The following SETD4 variants were observed in gnomAD, a reference collection of about 807,000 sequenced individuals.
The protein encoded by SETD4 is SET domain-containing protein 4.
In SETD4, 46 loss-of-function variants were observed where a neutral mutation model predicts 58.3. The observed-to-expected ratio is 0.79, with a 90% CI of 0.62 to 1.01. The LOEUF (loss-of-function observed/expected upper bound fraction) is 1.01, where lower values mean the gene tolerates loss of function less well. Among genes scored for constraint, SETD4 ranks in the 50% least tolerant of loss-of-function variants. The pLI, the probability that SETD4 is intolerant of heterozygous loss-of-function variation, is 0.00. For missense variants in SETD4, 490 were observed against 523.3 expected, an observed-to-expected ratio of 0.94 and a Z score of 0.62; for synonymous variants, 190 against 202.6, an observed-to-expected ratio of 0.94 and a Z score of 0.53.
chr21:36,047,193 TGCAGGGAGCCAAGATCAC>T (rs1027789338), intron 5 of SETD4, among the ~76,000 whole-genome samples: 1 of 151,986 alleles, frequency 6.6e-6, no homozygotes, highest in African/African-American at 2.4e-5. Flanking sequence ...AGGTGGAGGT[TGCAGGGAGCCAAGATCAC>T]GCCACTGCAC....
chr21:36,059,645 G>A, intron 1 of SETD4: 1 of 735,706 alleles, frequency 1.4e-6, no homozygotes, highest in Non-Finnish European at 1.7e-6. Context: ...ACGAGATCAC[G>A]CCACTGCACT....
rs1359927739 is a variant in SETD4 at position 36,045,670 on chromosome 21, G to A, written c.638C>T (p.Pro213Leu). The A allele has an allele frequency of 6.2e-7, 1 of 1,614,104 alleles. No homozygotes were observed. The highest frequency in any genetic ancestry group is 2.2e-5 in the East Asian group (1 of 44,862). Residue 213 changes from proline to leucine, a missense_variant, in exon 6 of 12, where the codon CCC becomes CTC. Physicochemically the swap from Pro to Leu is moderately conservative, Grantham distance 98 (BLOSUM62 -3). Transcript: ENST00000332131. ...TVNTRAVYLRPRQRECLSAEP... is the reference protein window; with the variant it reads ...TVNTRAVYLRLRQRECLSAEP... ...TGCAGAAAGGCATTCCCGCTGCCTG[G>A]GCCTCAGGTACACGGCTCTGGTGTT...
At chr21:36,037,514 A>G (rs1397340035) in intron 10 of SETD4, among the ~76,000 whole-genome samples, 5 of 150,836 alleles carry the variant, frequency 3.3e-5, no homozygotes, top group Non-Finnish European at 7.4e-5. Flanking sequence ...CTGAGGCAGG[A>G]GAATCACTTG....
chr21:36,050,851 A>C, intron 4 of SETD4: 1 of 1,611,232 alleles, frequency 6.2e-7, no homozygotes, highest in Non-Finnish European at 8.5e-7. Flanking sequence ...GTGGGAGGCC[A>C]TGTGGTTGGC....
rs771304808 is a variant in SETD4, at chr21:36,035,066, C to G, written c.*927G>C. On this transcript the variant is annotated 3_prime_UTR_variant, in exon 12 of 12. Transcript: ENST00000332131. ...AATTTGAGTTCTTGGGAAGAATGAACCCTGGGAGGGTAAACAGGACTCTGG... is the reference window on the plus strand; with the variant it reads ...AATTTGAGTTCTTGGGAAGAATGAAGCCTGGGAGGGTAAACAGGACTCTGG... 1 of 152,152 alleles carries G rather than the reference C, an allele frequency of 6.6e-6. No homozygotes were observed. Among genetic ancestry groups the G allele is most frequent in the African/African-American group, 2.4e-5 (1 of 41,438 alleles). 9.4% of individuals were successfully genotyped at this position (152,152 alleles called of 1,614,324 possible).
chr21:36,050,602 T>C, intron 4 of SETD4: 1 of 1,613,184 alleles, frequency 6.2e-7, no homozygotes, highest in Non-Finnish European at 8.5e-7. Context: ...GGTGTTCCTC[T>C]GCCGGATACT....
intron 3 of SETD4, among the ~76,000 whole-genome samples, chr21:36,056,204 A>C (rs924759008): frequency 2.6e-5 from 4 of 152,196 alleles, no homozygotes; most frequent in Non-Finnish European, 5.9e-5. Context: ...CACAAGTGGG[A>C]AATCATTTGC....
In SETD4 at chr21:36,045,966, TA is replaced by T; in HGVS notation, c.341del (p.Leu114Ter). 6.2e-7 allele frequency: 1 copy of T among 1,614,108 alleles called. No homozygotes were observed. The highest frequency in any genetic ancestry group is 8.5e-7 in the Non-Finnish European group (1 of 1,180,028). On this transcript the variant is annotated frameshift_variant, in exon 6 of 12. Coordinates refer to ENST00000332131, the MANE Select transcript of SETD4 (RefSeq NM_017438.5). LOFTEE classifies it high-confidence loss of function. ...GGTGCCCAGCATGCTTTTCTGAAAC[TA>T]AAAAGGTGCACAGCGCCAGCAGAGG... ...PSPLLALCTF[L>X]VSEKHAGHRS...
chr21:36,048,607 C>T (rs886264521), intron 4 of SETD4, among the ~76,000 whole-genome samples: 13 of 152,138 alleles, frequency 8.5e-5, no homozygotes, highest in Non-Finnish European at 7.3e-5. Flanking sequence ...GCCCCACAGC[C>T]CCAACAAAAA....
chr21:36,038,247 C>T lies in SETD4; in HGVS notation c.1091G>A (p.Gly364Glu), dbSNP rs1381275081. The change falls in exon 10 of 12, where the codon GGG becomes GAG. Residue 364 changes from glycine (G) to glutamate (E), a missense_variant. Coordinates refer to ENST00000332131, the MANE Select transcript of SETD4 (RefSeq NM_017438.5). Reference protein sequence around the residue: ...KFTCWKKVLLGEVISDTNEKT... With the variant: ...KFTCWKKVLLEEVISDTNEKT... ...CTCATTCGTATCTGAAATTACCTCC[C>T]CAAGAAGTACTTTTTTCCAGCATGT... is the stretch of plus-strand genomic sequence containing the variant. The T allele has an allele frequency of 1.2e-6, 2 of 1,613,426 alleles. No individual in the cohort carries two copies. The highest frequency in any genetic ancestry group is 1.7e-6 in the Non-Finnish European group (2 of 1,179,900).
chr21:36,037,249 G>A (rs1454242978), intron 10 of SETD4, among the ~76,000 whole-genome samples: 3 of 152,078 alleles, frequency 2.0e-5, no homozygotes, highest in Non-Finnish European at 4.4e-5. Context: ...CATCCACGAT[G>A]TATACCTATT....
At position 36,038,072 on chromosome 21, in the gene SETD4, A is replaced by AT. The variant is rs1318754397; in HGVS notation, c.1188+77dup. On this transcript the variant is annotated intron_variant, in intron 10 of 11. Coordinates refer to ENST00000332131, the MANE Select transcript of SETD4 (RefSeq NM_017438.5). ...AAACAATGCTCTTATGAAATGCACTATCCCTAATAACATGTACAAAACAAG... is the reference window on the plus strand; with the variant it reads ...AAACAATGCTCTTATGAAATGCACTATTCCCTAATAACATGTACAAAACAAG... 3.4e-6 allele frequency: 5 copies of AT among 1,469,638 alleles called. No homozygotes were observed. The African/African-American group carries it at 7.1e-5, about 21-fold the overall frequency. 91.0% of individuals were successfully genotyped at this position (1,469,638 alleles called of 1,614,324 possible).
chr21:36,050,835 ATT>A, intron 4 of SETD4: 1 of 1,611,480 alleles, frequency 6.2e-7, no homozygotes. Context: ...TGTACGTGTC[ATT>A]GTCGTGGGAG....
intron 3 of SETD4, among the ~76,000 whole-genome samples, chr21:36,054,605 T>G (rs1734197891): frequency 6.6e-6 from 1 of 152,072 alleles, no homozygotes; most frequent in Admixed American, 6.5e-5. Context: ...TGGGAATTCC[T>G]GCCTCAAGTC....
At chr21:36,038,996 G>A (rs1424909175) in intron 9 of SETD4, among the ~76,000 whole-genome samples, 1 of 151,986 alleles carries the variant, frequency 6.6e-6, no homozygotes, top group Non-Finnish European at 1.5e-5. Context: ...AAGTGGAAGT[G>A]GCTTCGAAGG....
intron 1 of SETD4, 185 bp downstream of exon 1, chr21:36,060,162 T>C (rs1319827909): frequency 2.0e-6 from 2 of 980,076 alleles, no homozygotes; most frequent in African/African-American, 1.8e-5. Context: ...ATGCGCTAAG[T>C]GTAGGACTCC....
chr21:36,039,339 G>A (rs1000628351), intron 9 of SETD4, among the ~76,000 whole-genome samples: 1 of 152,160 alleles, frequency 6.6e-6, no homozygotes, highest in Non-Finnish European at 1.5e-5. Flanking sequence ...AGCCCCACAC[G>A]TGCTTTCTCC....
rs926764085 is a variant in SETD4, at chr21:36,059,047, A to G, written c.-36-123T>C. ...CACTGTTCTTTGTACCTTTAAGTAT[A>G]CAAATGTATGTTTTGGTAAACTGTT... is the stretch of plus-strand genomic sequence containing the variant. On this transcript the variant is annotated intron_variant, in intron 1 of 11. Coordinates refer to ENST00000332131, the MANE Select transcript of SETD4 (RefSeq NM_017438.5). 2.6e-6 allele frequency: 3 copies of G among 1,160,582 alleles called. No individual in the cohort carries two copies. The African/African-American group carries it at 4.7e-5, about 18-fold the overall frequency. 71.9% of individuals were successfully genotyped at this position (1,160,582 alleles called of 1,614,324 possible). A position where few individuals can be genotyped will look rare whatever the true frequency, so the allele number is the denominator to read the frequency against.
rs1601294724 is a variant in SETD4, at chr21:36,057,543, C to A, written c.74-339G>T. The stretch of plus-strand genomic sequence containing the variant: ...ACCACTGTACATGTGATCCATCAAC[C>A]AAAACATACTTATGCAACATACGAC... On this transcript the variant is annotated intron_variant, in intron 2 of 11. Transcript: ENST00000332131. 1.2e-5 allele frequency: 6 copies of A among 516,504 alleles called. No individual in the cohort carries two copies. In the East Asian group the frequency reaches 1.8e-4, roughly 16 times the overall value. The allele number at this position is 516,504 out of a possible 1,614,324, so 32.0% of individuals were successfully genotyped here.
Sources: allele counts gnomAD v4.1 joint callset (sites outside exome capture counted in the v4.1 genomes callset), GRCh38; gene constraint gnomAD v4.1.1; transcripts MANE v1.5; gene names NCBI Gene and HGNC (gene_info 2026-07-23, HGNC 2026-07-21).